The following UGT1A8 variants were observed in gnomAD, a reference collection of about 807,000 sequenced individuals.
UGT1A8 encodes UDP-glucuronosyltransferase 1A8.
In UGT1A8, 39 loss-of-function variants were observed where a neutral mutation model predicts 45.3. The observed-to-expected ratio is 0.86, with a 90% CI of 0.67 to 1.12. UGT1A8 has a LOEUF of 1.12. UGT1A8 is among the 50% of genes most tolerant of loss of function. The probability of loss-of-function intolerance (pLI) is 0.00; values close to 1 mark genes in which losing one functional copy is unlikely to be tolerated. For synonymous variants in UGT1A8, 275 were observed against 249.2 expected (o/e 1.10, Z -0.97); for missense variants, 719 against 664.9 (o/e 1.08, Z -0.90).
At chr2:233,749,926 G>T (rs946076967) in intron 1 of UGT1A8, among the ~76,000 whole-genome samples, 1 of 151,912 alleles carries the variant, frequency 6.6e-6, no homozygotes, top group African/African-American at 2.4e-5. Flanking sequence ...GTCAATTAAA[G>T]CTCTTTCCTT....
chr2:233,713,156 CCACCAGGTGGTGGT>C, intron 1 of UGT1A8: 2 of 1,614,194 alleles, frequency 1.2e-6, no homozygotes, highest in Non-Finnish European at 1.7e-6. Flanking sequence ...ATGCGAGAGG[CCACCAGGTGGTGGT>C]CCTCACCCTG....
intron 1 of UGT1A8, chr2:233,671,939 C>A: frequency 1.2e-6 from 2 of 1,608,192 alleles, no homozygotes; most frequent in Admixed American, 1.7e-5. Flanking sequence ...TCTCTGATGG[C>A]TTGCACAGGG....
intron 1 of UGT1A8, chr2:233,729,233 T>C (rs746735102): frequency 5.5e-5 from 88 of 1,614,154 alleles, no homozygotes; most frequent in South Asian, 6.6e-5. Context: ...GTGGTGCCCA[T>C]TGATGGCAGC....
chr2:233,685,726 C>T (rs900091583), intron 1 of UGT1A8, among the ~76,000 whole-genome samples: 13 of 152,166 alleles, frequency 8.5e-5, no homozygotes, highest in Admixed American at 3.3e-4. Context: ...TGTACTGCTT[C>T]GTCTTTCTCC....
chr2:233,746,343 T>C (rs754584416), intron 1 of UGT1A8, among the ~76,000 whole-genome samples: 11 of 151,756 alleles, frequency 7.2e-5, no homozygotes, highest in Non-Finnish European at 1.6e-4. Context: ...TGGACATGTT[T>C]ATGTTGCTCC....
At chr2:233,729,634 G>C in intron 1 of UGT1A8, 1 of 1,613,874 alleles carries the variant, frequency 6.2e-7, no homozygotes, top group African/African-American at 1.3e-5. Context: ...GATTCCTACT[G>C]TGTTTTTTTT....
chr2:233,772,283 C>T lies in UGT1A8; in HGVS notation c.1317C>T (p.Arg439=), dbSNP rs1700499600. Residue 439 remains arginine, a synonymous_variant, in exon 5 of 5, where the codon CGC becomes CGT. Coordinates refer to ENST00000373450, the MANE Select transcript of UGT1A8 (RefSeq NM_019076.5). ...TTAGTTACAAGGAGAACATCATGCG[C>T]CTCTCCAGCCTTCACAAGGACCGCC... is the stretch of plus-strand genomic sequence containing the variant. ...NDKSYKENIM[R]LSSLHKDRPV... 1 of 1,614,232 alleles carries T rather than the reference C, an allele frequency of 6.2e-7. No homozygotes were observed. The highest frequency in any genetic ancestry group is 8.5e-7 in the Non-Finnish European group (1 of 1,180,050).
At chr2:233,680,076 G>A (rs2074473830) in intron 1 of UGT1A8, among the ~76,000 whole-genome samples, 1 of 150,044 alleles carries the variant, frequency 6.7e-6, no homozygotes, top group South Asian at 2.1e-4. Context: ...TATCTTCATT[G>A]ATTTTGAAAT....
chr2:233,682,087 C>T (rs1559339300), intron 1 of UGT1A8: 5 of 1,613,998 alleles, frequency 3.1e-6, no homozygotes, highest in Admixed American at 3.3e-5. Flanking sequence ...AACTCATCCT[C>T]AGGGGGCATG....
In UGT1A8 at chr2:233,663,276, G is replaced by A. The variant is rs28970000; in HGVS notation, c.855+44714G>A. On this transcript the variant is annotated intron_variant, in intron 1 of 4. Transcript: ENST00000373450. The stretch of plus-strand genomic sequence containing the variant: ...TGCAGAACTAGCCGTGTGGTAGACC[G>A]GAGTTTTATTATTACTCAAATCAGT... Among the ~76,000 whole-genome samples, 1,041 of 152,294 alleles carry A rather than the reference G, an allele frequency of 6.8e-3. 10 individuals are homozygous for A. The highest frequency in any genetic ancestry group is 0.023 in the African/African-American group (969 of 41,568).
At chr2:233,767,198 A>G in intron 2 of UGT1A8, 33 bp downstream of exon 2, 1 of 1,613,498 alleles carries the variant, frequency 6.2e-7, no homozygotes, top group Non-Finnish European at 8.5e-7. Flanking sequence ...CCTCATATCT[A>G]TTTTCACAGG....
intron 1 of UGT1A8, chr2:233,693,321 C>T: frequency 6.2e-7 from 1 of 1,614,222 alleles, no homozygotes. Flanking sequence ...TCATTCCTAA[C>T]TGCTCCTCAG....
intron 1 of UGT1A8, among the ~76,000 whole-genome samples, chr2:233,664,099 G>A (rs2074029097): frequency 6.6e-6 from 1 of 152,134 alleles, no homozygotes; most frequent in African/African-American, 2.4e-5. Flanking sequence ...ATGCAGCCAA[G>A]TTCTTTGTTA....
At chr2:233,642,719 C>A (rs2073482761) in intron 1 of UGT1A8, among the ~76,000 whole-genome samples, 1 of 152,162 alleles carries the variant, frequency 6.6e-6, no homozygotes, top group Non-Finnish European at 1.5e-5. Context: ...GCTGTTTCTG[C>A]TTTAGGGGGC....
At position 233,747,601 on chromosome 2, in the gene UGT1A8, AGCTACT is replaced by A. The variant is rs1032585099; in HGVS notation, c.856-19430_856-19425del. 3.2e-6 allele frequency: 5 copies of A among 1,575,002 alleles called. No individual in the cohort carries two copies. In the African/African-American group the frequency reaches 6.8e-5, roughly 21 times the overall value. The stretch of plus-strand genomic sequence containing the variant: ...TTGGTCTTTCATAGGTCTTGTGTGG[AGCTACT>A]GCATAATGAGGCCCTGATCAGGCAC... On this transcript the variant is annotated intron_variant, in intron 1 of 4. Transcript: ENST00000373450.
intron 1 of UGT1A8, among the ~76,000 whole-genome samples, chr2:233,701,592 A>G (rs2075637577): frequency 1.3e-5 from 2 of 152,202 alleles, no homozygotes; most frequent in South Asian, 4.1e-4. Context: ...ACATAGTTGG[A>G]AGTAAAGCAC....
At position 233,772,792 on chromosome 2, in the gene UGT1A8, A is replaced by C; in HGVS notation, c.*233A>C. 2.5e-6 allele frequency: 3 copies of C among 1,219,898 alleles called. No individual in the cohort carries two copies. Among genetic ancestry groups the C allele is most frequent in the Non-Finnish European group, 3.3e-6 (3 of 917,948 alleles). The allele number at this position is 1,219,898 out of a possible 1,614,324, so 75.6% of individuals were successfully genotyped here. On this transcript the variant is annotated 3_prime_UTR_variant, in exon 5 of 5. Transcript: ENST00000373450. ...CTCTGGTGTCTTTGATCAGGATGAC[A>C]TGTGCCATTTTTCAGAGGACGTGCA...
At chr2:233,737,199 C>T (rs762867419) in intron 1 of UGT1A8, among the ~76,000 whole-genome samples, 7 of 152,222 alleles carry the variant, frequency 4.6e-5, no homozygotes, top group Non-Finnish European at 7.3e-5. Flanking sequence ...TGCTGAGCTG[C>T]GGTGGACTCT....
chr2:233,729,145 G>A (rs564123639), intron 1 of UGT1A8: 2 of 1,613,490 alleles, frequency 1.2e-6, no homozygotes, highest in African/African-American at 1.3e-5. Flanking sequence ...AGGACTCCAG[G>A]TTCCCCTGCC....
Sources: allele counts gnomAD v4.1 joint callset (sites outside exome capture counted in the v4.1 genomes callset), GRCh38; gene constraint gnomAD v4.1.1; transcripts MANE v1.5; gene names NCBI Gene and HGNC (gene_info 2026-07-23, HGNC 2026-07-21).